Variants in DTNB observed in about 807,000 individuals in gnomAD.
The protein encoded by DTNB is dystrobrevin beta, also known as DTN-B.
A neutral mutation model predicts 90.7 loss-of-function variants in DTNB; 63 were observed. That is an observed-to-expected ratio of 0.69 (90% CI 0.57 to 0.86). The LOEUF (loss-of-function observed/expected upper bound fraction) is 0.86, where lower values mean the gene tolerates loss of function less well. DTNB is among the 40% of genes least tolerant of loss of function. The pLI is 0.00. For missense variants in DTNB, 744 were observed against 807.1 expected (o/e 0.92, Z 0.95); for synonymous variants, 277 against 286.7 (o/e 0.97, Z 0.34).
At chr2:25,394,814 A>G (rs557047925) in intron 16 of DTNB, among the ~76,000 whole-genome samples, 1 of 152,206 alleles carries the variant, frequency 6.6e-6, no homozygotes, top group Non-Finnish European at 1.5e-5. Context: ...ACTATGAAAA[A>G]CAGTGTGGTG....
At chr2:25,378,089 G>C (rs1168826019) in intron 20 of DTNB, among the ~76,000 whole-genome samples, 2 of 152,222 alleles carry the variant, frequency 1.3e-5, no homozygotes, top group Non-Finnish European at 2.9e-5. Flanking sequence ...TGTGCAACAA[G>C]GCGGTGGGGG....
chr2:25,393,347 C>T (rs1235138720), intron 16 of DTNB, among the ~76,000 whole-genome samples: 1 of 152,156 alleles, frequency 6.6e-6, no homozygotes, highest in Non-Finnish European at 1.5e-5. Flanking sequence ...ACTTTCACCA[C>T]TTCTATTCAA....
At chr2:25,456,717 C>T (rs371350070) in intron 10 of DTNB, among the ~76,000 whole-genome samples, 5 of 151,984 alleles carry the variant, frequency 3.3e-5, no homozygotes, top group South Asian at 4.1e-4. Context: ...GGATTACAGG[C>T]GTGCACCACC....
chr2:25,468,964 T>C (rs2062281521), intron 10 of DTNB, among the ~76,000 whole-genome samples: 1 of 152,174 alleles, frequency 6.6e-6, no homozygotes, highest in African/African-American at 2.4e-5. Context: ...AAATATTTAG[T>C]TGTACTGAGT....
intron 4 of DTNB, among the ~76,000 whole-genome samples, chr2:25,613,231 G>A (rs1203173319): frequency 6.6e-6 from 1 of 152,084 alleles, no homozygotes; most frequent in East Asian, 1.9e-4. Flanking sequence ...TTACAGGCAT[G>A]AGCCACTATG....
At chr2:25,539,406 C>A (rs1467782246) in intron 8 of DTNB, among the ~76,000 whole-genome samples, 2 of 152,176 alleles carry the variant, frequency 1.3e-5, no homozygotes, top group Non-Finnish European at 2.9e-5. Context: ...TATTGCCAGA[C>A]ATGTTAACAT....
chr2:25,432,980 G>C lies in DTNB; in HGVS notation c.1363C>G (p.Gln455Glu), dbSNP rs2054453039. The change falls in exon 14 of 21, where the codon CAG becomes GAG. Residue 455 changes from glutamine to glutamate, a missense_variant. Physicochemically the swap from Gln to Glu is conservative, Grantham distance 29 (BLOSUM62 2). Transcript: ENST00000406818. ...NKNREILQEI[Q>E]RLRLEHEQAS... is the part of the protein sequence containing the mutation. ...TGCTCGTGTTCCAGGCGGAGACGCT[G>C]AATCTCCTGCAGGATCTCTCTAGAG... 1.9e-6 allele frequency: 3 copies of C among 1,608,278 alleles called. No homozygotes were observed. The highest frequency in any genetic ancestry group is 2.5e-6 in the Non-Finnish European group (3 of 1,178,440).
At chr2:25,528,274 C>T (rs1250616067) in intron 9 of DTNB, among the ~76,000 whole-genome samples, 2 of 152,156 alleles carry the variant, frequency 1.3e-5, no homozygotes, top group South Asian at 4.2e-4. Flanking sequence ...CTCTTAAACC[C>T]GATAAATAGT....
intron 16 of DTNB, among the ~76,000 whole-genome samples, chr2:25,392,413 A>C (rs1456845952): frequency 6.6e-6 from 1 of 151,422 alleles, no homozygotes; most frequent in African/African-American, 2.4e-5. Context: ...CCATCTCAAA[A>C]ATGAATGAAT....
intron 9 of DTNB, among the ~76,000 whole-genome samples, chr2:25,495,590 C>T (rs916062153): frequency 2.0e-5 from 3 of 152,148 alleles, no homozygotes; most frequent in African/African-American, 7.2e-5. Context: ...CCTTTCATTG[C>T]AATGATTCTC....
At chr2:25,540,588 G>T (rs2080979322) in intron 8 of DTNB, among the ~76,000 whole-genome samples, 1 of 152,190 alleles carries the variant, frequency 6.6e-6, no homozygotes, top group Admixed American at 6.6e-5. Context: ...TGGCGGTTTT[G>T]TAGAATAGAA....
chr2:25,585,224 C>T (rs1444302180), intron 6 of DTNB, among the ~76,000 whole-genome samples: 1 of 152,164 alleles, frequency 6.6e-6, no homozygotes, highest in Non-Finnish European at 1.5e-5. Context: ...TTTCTACATA[C>T]TTGTGAACAG....
At chr2:25,452,633 A>G (rs985048604) in intron 11 of DTNB, among the ~76,000 whole-genome samples, 1 of 152,198 alleles carries the variant, frequency 6.6e-6, no homozygotes, top group Non-Finnish European at 1.5e-5. Context: ...TTCAATACTC[A>G]TCGAAGTTTG....
At chr2:25,481,638 A>G (rs1212405158) in intron 10 of DTNB, 1 of 152,328 alleles carries the variant, frequency 6.6e-6, no homozygotes, top group African/African-American at 2.4e-5. Context: ...GTAATGTGTT[A>G]TCAGGCCACT....
At chr2:25,487,965 G>T (rs2066538569) in intron 9 of DTNB, among the ~76,000 whole-genome samples, 1 of 152,156 alleles carries the variant, frequency 6.6e-6, no homozygotes, top group South Asian at 2.1e-4. Context: ...CATTTTAAAA[G>T]CTCACTCCAG....
intron 10 of DTNB, among the ~76,000 whole-genome samples, chr2:25,475,761 T>A (rs114775131): frequency 5.9e-5 from 9 of 152,206 alleles, no homozygotes; most frequent in African/African-American, 1.9e-4. Context: ...CAATGCTCAT[T>A]TACCATTCTG....
chr2:25,524,973 T>C (rs1216094069), intron 9 of DTNB, among the ~76,000 whole-genome samples: 2 of 152,180 alleles, frequency 1.3e-5, no homozygotes, highest in African/African-American at 2.4e-5. Flanking sequence ...GATTTCTCCA[T>C]ACAAGAATGC....
intron 3 of DTNB, among the ~76,000 whole-genome samples, chr2:25,637,391 C>T (rs1559340958): frequency 6.6e-6 from 1 of 152,114 alleles, no homozygotes. Context: ...TTCTGCACAG[C>T]AAAAGAAGCT....
chr2:25,463,297 T>C (rs1258390455), intron 10 of DTNB, among the ~76,000 whole-genome samples: 1 of 152,202 alleles, frequency 6.6e-6, no homozygotes, highest in African/African-American at 2.4e-5. Context: ...CTCTTTTCCT[T>C]GAACACACAT....
Sources: allele counts gnomAD v4.1 joint callset (sites outside exome capture counted in the v4.1 genomes callset), GRCh38; gene constraint gnomAD v4.1.1; transcripts MANE v1.5; gene names NCBI Gene and HGNC (gene_info 2026-07-23, HGNC 2026-07-21).